Variants in TPR observed in about 807,000 individuals in gnomAD.
TPR encodes the protein translocated promoter region, nuclear basket protein.
Under a neutral mutation model 316.1 loss-of-function variants are expected in TPR, and 51 were observed. The observed-to-expected ratio is 0.16, with a 90% CI of 0.13 to 0.20. TPR has a LOEUF of 0.20. Among genes scored for constraint, TPR ranks in the 10% least tolerant of loss-of-function variants. The pLI is 1.00. For missense variants in TPR, 2,272 were observed against 2,754.8 expected (o/e 0.82, Z 3.92); for synonymous variants, 981 against 914.7 (o/e 1.07, Z -1.31).
At chr1:186,346,387 T>C in intron 22 of TPR, 100 bp from the exon 23 acceptor site, 1 of 1,214,084 alleles carries the variant, frequency 8.2e-7, no homozygotes, top group Non-Finnish European at 1.1e-6. Context: ...GTAATAAAAT[T>C]AATGTTTGTT....
chr1:186,327,226 TAA>T (rs1491362488), intron 40 of TPR, among the ~76,000 whole-genome samples: 1 of 31,514 alleles, frequency 3.2e-5, no homozygotes, highest in Non-Finnish European at 5.7e-5. Context: ...TATAAATATA[TAA>T]TATATATTTA....
rs374356011 is a variant in TPR, at chr1:186,350,278, G to C, written c.2721C>G (p.His907Gln). The C allele has an allele frequency of 1.9e-6, 3 of 1,613,552 alleles. No homozygotes were observed. Residue 907 changes from histidine to glutamine, a missense_variant, in exon 21 of 51, where the codon CAC (histidine) becomes CAG (glutamine). Physicochemically the swap from His to Gln is conservative, Grantham distance 24. Transcript: ENST00000367478. The part of the protein sequence containing the change: ...AQKEIATLKQ[H>Q]LSNMEVQVAS... The stretch of plus-strand genomic sequence containing the variant: ...CAACTTGGACTTCCATATTACTGAG[G>C]TGCTGTTTCAATGTGGCAATTTCTT...
rs1159609896 is a variant in TPR at position 186,322,523 on chromosome 1, C to T, written c.6361G>A (p.Gly2121Ser). The T allele has an allele frequency of 3.1e-6, 5 of 1,613,898 alleles. No individual in the cohort carries two copies. In the African/African-American group the frequency reaches 4.0e-5, roughly 13 times the overall value. ...RGLQLTPGIG[G>S]MQQHFFDDED... The stretch of plus-strand genomic sequence containing the variant: ...CATAATGGGTAAGTACTTACCATGC[C>T]ACCTATTCCTGGAGTCAACTGAAGG... The change falls in exon 44 of 51, where the codon GGC (glycine) becomes AGC (serine). Residue 2121 changes from glycine (G) to serine (S), a missense_variant. By Grantham distance (56) the Gly-to-Ser change is moderately conservative (BLOSUM62 0). This residue lies in a region of TPR where 88 missense variants were observed against 176.2 expected (regional missense o/e 0.50). Transcript: ENST00000367478.
intron 42 of TPR, 54 bp downstream of exon 42, chr1:186,325,710 A>G (rs1417982997): frequency 1.4e-5 from 20 of 1,410,880 alleles, no homozygotes; most frequent in Non-Finnish European, 1.6e-5. Context: ...GTGCAATTCT[A>G]GTTTAGAAAA....
chr1:186,332,315 T>G lies in TPR; in HGVS notation c.5484A>C (p.Pro1828=), dbSNP rs7526540. The G allele has an allele frequency of 6.2e-7, 1 of 1,612,488 alleles. No homozygotes were observed. Among genetic ancestry groups the G allele is most frequent in the South Asian group, 1.1e-5 (1 of 90,716 alleles). Residue 1828 remains proline, a synonymous_variant, in exon 38 of 51, where the codon CCA becomes CCC. Transcript: ENST00000367478. ...CCTCTTCCTCTTCACGTGTACGCTTTGGCAAAGAAGAACTGGGGGTAGCCG... is the reference window on the plus strand; with the variant it reads ...CCTCTTCCTCTTCACGTGTACGCTTGGGCAAAGAAGAACTGGGGGTAGCCG... The part of the protein sequence containing the change: ...TVSATPSSSL[P]KRTREEEEDS...
intron 2 of TPR, among the ~76,000 whole-genome samples, chr1:186,372,528 T>G (rs1405110248): frequency 1.3e-5 from 2 of 151,874 alleles, no homozygotes; most frequent in South Asian, 4.2e-4. Context: ...GGCAACACAG[T>G]GAGACTCTGT....
In TPR at chr1:186,336,530, A is replaced by G; in HGVS notation, c.4671T>C (p.Ile1557=). ...GTGCAATTTTTGACTTTGCTGCTAC[A>G]ATAGCCTTTCTGGTTTTTTCTTCCT... The part of the protein sequence containing the change: ...TEKEEKTRKA[I]VAAKSKIAHL... Residue 1557 remains isoleucine, a synonymous_variant, in exon 33 of 51, where the codon ATT becomes ATC. Transcript: ENST00000367478. 6.2e-7 allele frequency: 1 copy of G among 1,613,892 alleles called. No homozygotes were observed. Among genetic ancestry groups the G allele is most frequent in the Non-Finnish European group, 8.5e-7 (1 of 1,179,908 alleles).
At chr1:186,370,745 T>C (rs1427828561) in intron 3 of TPR, among the ~76,000 whole-genome samples, 2 of 152,090 alleles carry the variant, frequency 1.3e-5, no homozygotes, top group Admixed American at 1.3e-4. Context: ...TGGACTACAG[T>C]CAGCATTCAA....
intron 14 of TPR, 23 bp downstream of exon 14, chr1:186,357,374 A>C (rs1326969253): frequency 2.5e-6 from 4 of 1,608,596 alleles, no homozygotes; most frequent in Non-Finnish European, 3.4e-6. Flanking sequence ...TTGCTCAACA[A>C]GCTGAGGTAT....
chr1:186,338,340 T>A, intron 30 of TPR, 97 bp from the exon 31 acceptor site: 1 of 792,744 alleles, frequency 1.3e-6, no homozygotes, highest in Non-Finnish European at 1.8e-6. Context: ...CTTTAATAAC[T>A]TTTTTTTTTG....
chr1:186,366,326 A>G (rs537092159), intron 4 of TPR, among the ~76,000 whole-genome samples: 1 of 152,306 alleles, frequency 6.6e-6, no homozygotes, highest in Non-Finnish European at 1.5e-5. Flanking sequence ...ATGTACAGTA[A>G]ACGTATTTTC....
rs1056869654 is a variant in TPR at position 186,373,303 on chromosome 1, G to A, written c.256+56C>T. 7.3e-6 allele frequency: 9 copies of A among 1,239,220 alleles called. No individual in the cohort carries two copies. In the Admixed American group the frequency reaches 1.4e-4, roughly 19 times the overall value. 76.8% of individuals were successfully genotyped at this position (1,239,220 alleles called of 1,614,324 possible). A position where few individuals can be genotyped will look rare whatever the true frequency, so the allele number is the denominator to read the frequency against. ...AAATGTTTCCAAAGTATATAAAGGAGTCTCTGAAGATTTCGATACTCCGAG... is the reference window on the plus strand; with the variant it reads ...AAATGTTTCCAAAGTATATAAAGGAATCTCTGAAGATTTCGATACTCCGAG... On this transcript the variant is annotated intron_variant, in intron 2 of 50. Coordinates refer to ENST00000367478, the MANE Select transcript of TPR (RefSeq NM_003292.3).
In TPR at chr1:186,312,877, A is replaced by G; in HGVS notation, c.*1094T>C. On this transcript the variant is annotated 3_prime_UTR_variant, in exon 51 of 51. Transcript: ENST00000367478. ...ATCAGAAAACCTGACGGCTATGATT[A>G]CTATGCCTTTTCTAAAGGTAAGGTA... The G allele has an allele frequency of 6.2e-7, 1 of 1,612,612 alleles. No individual in the cohort carries two copies. The highest frequency in any genetic ancestry group is 8.5e-7 in the Non-Finnish European group (1 of 1,178,608).
Position 186,339,646 on chromosome 1 carries a change from C to A in TPR, c.4147G>T (p.Ala1383Ser). Residue 1383 changes from alanine (A) to serine (S), a missense_variant, in exon 30 of 51, where the codon GCA becomes TCA. Transcript: ENST00000367478. Reference sequence around the variant, plus strand: ...TTAAGGCTTCTTTCCATATACCTTGCAATTTCAGCTTTAAGTCTACCAATT... The same window carrying A: ...TTAAGGCTTCTTTCCATATACCTTGAAATTTCAGCTTTAAGTCTACCAATT... The part of the protein sequence containing the change: ...EEIGRLKAEI[A>S]RSNASLTNNQ... 1.3e-6 allele frequency: 2 copies of A among 1,572,622 alleles called. No homozygotes were observed. Among genetic ancestry groups the A allele is most frequent in the African/African-American group, 1.4e-5 (1 of 72,624 alleles).
chr1:186,351,132 T>TA (rs1257759929), intron 20 of TPR, among the ~76,000 whole-genome samples, 198 bp downstream of exon 20: 1 of 152,088 alleles, frequency 6.6e-6, no homozygotes, highest in Non-Finnish European at 1.5e-5. Flanking sequence ...AATACAAAAA[T>TA]ACTCAGCACC....
At chr1:186,316,427 T>TTGGGATAGCA (rs1571595374) in intron 49 of TPR, among the ~76,000 whole-genome samples, 2 of 152,112 alleles carry the variant, frequency 1.3e-5, no homozygotes, top group African/African-American at 4.8e-5. Context: ...GGAAGAGATT[T>TTGGGATAGCA]TGGGATAGCA....
chr1:186,323,718 C>A lies in TPR; in HGVS notation c.6265G>T (p.Ala2089Ser). 5 of 1,511,662 alleles carry A rather than the reference C, an allele frequency of 3.3e-6. No individual in the cohort carries two copies. Among genetic ancestry groups the A allele is most frequent in the Non-Finnish European group, 4.4e-6 (5 of 1,143,928 alleles). The allele number at this position is 1,511,662 out of a possible 1,614,324, so 93.6% of individuals were successfully genotyped here. A position where few individuals can be genotyped will look rare whatever the true frequency, so the allele number is the denominator to read the frequency against. The part of the protein sequence containing the change: ...HPLPPRLTIH[A>S]PPQELGPPVQ... Reference sequence around the variant, plus strand: ...GGTGGTCCCAACTCCTGAGGTGGGGCATGAATGGTCAGTCTTGGGGGAAGT... The same window carrying A: ...GGTGGTCCCAACTCCTGAGGTGGGGAATGAATGGTCAGTCTTGGGGGAAGT... The change falls in exon 43 of 51, where the codon GCC becomes TCC. Residue 2089 changes from alanine to serine, a missense_variant. Transcript: ENST00000367478.
chr1:186,319,525 C>G (rs1161853868), intron 46 of TPR, among the ~76,000 whole-genome samples: 1 of 152,154 alleles, frequency 6.6e-6, no homozygotes, highest in African/African-American at 2.4e-5. Context: ...TATTAACATA[C>G]AAAGTCACAA....
At chr1:186,337,645 T>C (rs891448253) in intron 31 of TPR, among the ~76,000 whole-genome samples, 1 of 152,056 alleles carries the variant, frequency 6.6e-6, no homozygotes, top group Non-Finnish European at 1.5e-5. Context: ...TTAAAAACAA[T>C]ATTTAGATTC....
Sources: gnomAD v4.1 joint callset for allele counts (sites outside exome capture counted in the v4.1 genomes callset) on GRCh38, gnomAD v4.1.1 for gene constraint, gnomAD v4.1.1 regional missense constraint, MANE v1.5 for transcripts, NCBI Gene and HGNC (gene_info 2026-07-23, HGNC 2026-07-21) for gene names.